The following PCNX2 variants were observed in gnomAD, a reference collection of about 807,000 sequenced individuals.
PCNX2 encodes pecanex 2.
Under a neutral mutation model 223.8 loss-of-function variants are expected in PCNX2, and 168 were observed. The ratio of observed to expected loss-of-function variants is 0.75; its 90% CI spans 0.66 to 0.85. PCNX2 has a LOEUF of 0.85. Ranked by LOEUF, PCNX2 falls within the 40% of genes least tolerant of loss-of-function variation. The pLI, the probability that PCNX2 is intolerant of heterozygous loss-of-function variation, is 0.00. For missense variants in PCNX2, 2,507 were observed against 2,675.5 expected (o/e 0.94, Z 1.39); for synonymous variants, 1,006 against 1,052.6 (o/e 0.96, Z 0.86).
At chr1:233,026,173 G>A (rs1229651398) in intron 25 of PCNX2, among the ~76,000 whole-genome samples, 1 of 152,214 alleles carries the variant, frequency 6.6e-6, no homozygotes, top group African/African-American at 2.4e-5. Context: ...GATCGGAGAA[G>A]GTCTCCCTGG....
intron 12 of PCNX2, among the ~76,000 whole-genome samples, chr1:233,210,962 C>T (rs1361547820): frequency 1.3e-5 from 2 of 152,166 alleles, no homozygotes; most frequent in South Asian, 2.1e-4. Flanking sequence ...GAGCAAGGTT[C>T]GAGACTCGAA....
intron 1 of PCNX2, among the ~76,000 whole-genome samples, chr1:233,276,118 C>A (rs1377288043): frequency 5.9e-5 from 9 of 152,146 alleles, no homozygotes; most frequent in South Asian, 2.1e-4. Flanking sequence ...TCTATACATA[C>A]TATGGAATAT....
chr1:233,087,909 CCA>C (rs1055120045), intron 23 of PCNX2, among the ~76,000 whole-genome samples: 1 of 152,124 alleles, frequency 6.6e-6, no homozygotes, highest in African/African-American at 2.4e-5. Context: ...GGCAGACACC[CCA>C]CACACACATA....
the PCNX2 span, among the ~76,000 whole-genome samples, chr1:233,318,562 TC>T: frequency 0.071 from 7,838 of 110,870 alleles, 355 homozygotes; most frequent in Non-Finnish European, 0.1. Context: ...TTTTTCTTTT[TC>T]TTTTTTTTTT....
At chr1:233,271,122 G>A (rs12127792) in intron 1 of PCNX2, among the ~76,000 whole-genome samples, 15,101 of 152,098 alleles carry the variant, frequency 0.099, 917 homozygotes, top group South Asian at 0.19. Context: ...TAAACAGAAT[G>A]AATCAATAAG....
chr1:233,068,391 A>G (rs538809601), intron 23 of PCNX2, among the ~76,000 whole-genome samples: 1 of 152,298 alleles, frequency 6.6e-6, no homozygotes, highest in East Asian at 1.9e-4. Flanking sequence ...AAGAAAGAAA[A>G]GAATGAAACT....
At position 232,999,596 on chromosome 1, in the gene PCNX2, G is replaced by C. The variant is rs962559229; in HGVS notation, c.5329-217C>G. On this transcript the variant is annotated intron_variant, in intron 30 of 33. Coordinates refer to ENST00000258229, the MANE Select transcript of PCNX2 (RefSeq NM_014801.4). ...AGCCTCCCGAGTAGCTGGAATTACA[G>C]GCATGTGCCAACACACCTGGCTAAT... is the stretch of plus-strand genomic sequence containing the variant. 7.6e-6 allele frequency: 4 copies of C among 528,426 alleles called. No homozygotes were observed. In the Admixed American group the frequency reaches 1.5e-4, roughly 20 times the overall value. The allele number at this position is 528,426 out of a possible 1,614,324, so 32.7% of individuals were successfully genotyped here. A position where few individuals can be genotyped will look rare whatever the true frequency, so the allele number is the denominator to read the frequency against.
intron 13 of PCNX2, among the ~76,000 whole-genome samples, chr1:233,202,927 A>G (rs910043123): frequency 6.6e-6 from 1 of 152,184 alleles, no homozygotes; most frequent in East Asian, 1.9e-4. Context: ...CAGAGAACTC[A>G]TTTCACTAAG....
At chr1:233,260,134 C>T (rs1659971071) in intron 4 of PCNX2, among the ~76,000 whole-genome samples, 1 of 152,014 alleles carries the variant, frequency 6.6e-6, no homozygotes, top group Non-Finnish European at 1.5e-5. Context: ...TAAGATTTGA[C>T]TAAGGAAAAA....
intron 1 of PCNX2, among the ~76,000 whole-genome samples, chr1:233,266,210 T>C (rs1250686940): frequency 6.6e-6 from 1 of 152,164 alleles, no homozygotes. Flanking sequence ...CTTAATTCCT[T>C]TAAAAACCTC....
At chr1:233,257,741 A>G (rs1659810705) in intron 5 of PCNX2, among the ~76,000 whole-genome samples, 1 of 152,240 alleles carries the variant, frequency 6.6e-6, no homozygotes, top group Non-Finnish European at 1.5e-5. Flanking sequence ...GTAGTAAAAT[A>G]TAATTGCTTA....
intron 23 of PCNX2, among the ~76,000 whole-genome samples, chr1:233,079,543 A>G (rs1572079966): frequency 1.3e-5 from 2 of 152,116 alleles, no homozygotes; most frequent in African/African-American, 4.8e-5. Context: ...AAAAAAAAAA[A>G]AAGTAAAAGG....
intron 10 of PCNX2, 25 bp from the exon 11 acceptor site, chr1:233,218,209 CAAAA>C (rs34818026): frequency 4.4e-4 from 120 of 275,432 alleles, no homozygotes; most frequent in African/African-American, 1.1e-3. Context: ...TACATAAAAG[CAAAA>C]AAAAAAAAAA....
At chr1:233,020,693 A>G (rs1469571141) in intron 26 of PCNX2, among the ~76,000 whole-genome samples, 1 of 152,232 alleles carries the variant, frequency 6.6e-6, no homozygotes, top group Non-Finnish European at 1.5e-5. Flanking sequence ...ACAGCAGGAG[A>G]GCCAGGCCCA....
intron 25 of PCNX2, among the ~76,000 whole-genome samples, chr1:233,050,040 G>T (rs940214511): frequency 2.0e-5 from 3 of 151,974 alleles, no homozygotes; most frequent in African/African-American, 7.2e-5. Context: ...TTGAACAATG[G>T]GAACACATGG....
rs1419310269 is a variant in PCNX2, at chr1:233,258,732, A to G, written c.1130T>C (p.Val377Ala). The G allele has an allele frequency of 6.2e-7, 1 of 1,613,924 alleles. No homozygotes were observed. Among genetic ancestry groups the G allele is most frequent in the African/African-American group, 1.3e-5 (1 of 75,046 alleles). ...PLSLHEPIKI[V>A]ITMSSTPNSM... Reference sequence around the variant, plus strand: ...GTTTGGGGTACTGCTCATCGTGATAACAATTTTTATGGGCTCATGTAGACT... The same window carrying G: ...GTTTGGGGTACTGCTCATCGTGATAGCAATTTTTATGGGCTCATGTAGACT... Residue 377 changes from valine (V) to alanine (A), a missense_variant, in exon 5 of 34, where the codon GTT becomes GCT. By Grantham distance (64) the Val-to-Ala change is moderately conservative (BLOSUM62 0). Coordinates refer to ENST00000258229, the MANE Select transcript of PCNX2 (RefSeq NM_014801.4).
intron 23 of PCNX2, chr1:233,087,193 T>A (rs1367490674): frequency 2.0e-6 from 2 of 985,368 alleles, no homozygotes; most frequent in South Asian, 4.7e-5. Context: ...ATTAGAGACC[T>A]GCACAAACAA....
At chr1:233,236,714 T>C (rs528954128) in intron 9 of PCNX2, 131 bp downstream of exon 9, 59 of 1,337,502 alleles carry the variant, frequency 4.4e-5, no homozygotes, top group South Asian at 7.0e-5. Context: ...TGCAGTGATA[T>C]ATCAACAACC....
In PCNX2 at chr1:232,984,259, TG is replaced by T. The variant is rs1348942047; in HGVS notation, c.*44del. 3 of 1,522,506 alleles carry T rather than the reference TG, an allele frequency of 2.0e-6. No homozygotes were observed. Among genetic ancestry groups the T allele is most frequent in the Non-Finnish European group, 2.6e-6 (3 of 1,134,030 alleles). The allele number at this position is 1,522,506 out of a possible 1,614,324, so 94.3% of individuals were successfully genotyped here. Reference sequence around the variant, plus strand: ...GGAGCACGAGGGAGAGCAATGCAGGTGGGAGGTGTGGGGGAGCCAGCCTCCC... The same window carrying T: ...GGAGCACGAGGGAGAGCAATGCAGGTGGAGGTGTGGGGGAGCCAGCCTCCC... On this transcript the variant is annotated 3_prime_UTR_variant, in exon 34 of 34. Transcript: ENST00000258229.
Sources: allele counts gnomAD v4.1 joint callset (sites outside exome capture counted in the v4.1 genomes callset), GRCh38; gene constraint gnomAD v4.1.1; transcripts MANE v1.5; gene names NCBI Gene and HGNC (gene_info 2026-07-23, HGNC 2026-07-21).